The following RAB11FIP5 variants were observed in gnomAD, a reference collection of about 807,000 sequenced individuals.
The protein encoded by RAB11FIP5 is rab11 family-interacting protein 5.
A neutral mutation model predicts 85.1 loss-of-function variants in RAB11FIP5; 48 were observed. That is an observed-to-expected ratio of 0.56 (90% confidence interval 0.45 to 0.72). The LOEUF is 0.72. Ranked by LOEUF, RAB11FIP5 falls within the 30% of genes least tolerant of loss-of-function variation. The pLI, the probability that RAB11FIP5 is intolerant of heterozygous loss-of-function variation, is 0.00. For missense variants in RAB11FIP5, 1,491 were observed against 1,687.0 expected (o/e 0.88, Z 2.04); for synonymous variants, 729 against 727.3 (o/e 1.00, Z -0.04).
chr2:73,075,223 C>T lies in RAB11FIP5; in HGVS notation c.*298G>A, dbSNP rs1404398661. On this transcript the variant is annotated 3_prime_UTR_variant, in exon 6 of 6. Transcript: ENST00000486777. This position sits in a 1 kb window ranked among gnomAD's most constrained non-coding sequence, Gnocchi z 4.6. ...CATCAAGCTACAGTTCACCCCTGCTCTGTCTTGGGGGAAGAGTTCCAATTC... is the reference window on the plus strand; with the variant it reads ...CATCAAGCTACAGTTCACCCCTGCTTTGTCTTGGGGGAAGAGTTCCAATTC... 1.5e-6 allele frequency: 1 copy of T among 670,830 alleles called. No homozygotes were observed. The highest frequency in any genetic ancestry group is 1.5e-5 in the South Asian group (1 of 66,498). 41.6% of individuals were successfully genotyped at this position (670,830 alleles called of 1,614,324 possible). A position where few individuals can be genotyped will look rare whatever the true frequency, so the allele number is the denominator to read the frequency against.
rs1277810650 is a variant in RAB11FIP5, at chr2:73,076,099, G to T, written c.3665C>A (p.Ala1222Asp). The T allele has an allele frequency of 1.9e-6, 3 of 1,614,130 alleles. No individual in the cohort carries two copies. The highest frequency in any genetic ancestry group is 1.1e-5 in the South Asian group (1 of 91,092). The change falls in exon 5 of 6, where the codon GCC (alanine) becomes GAC (aspartate). Residue 1222 changes from alanine to aspartate, a missense_variant. By Grantham distance (126) the Ala-to-Asp change is moderately radical. Around this residue, in one of 3 missense-constraint regions of RAB11FIP5, gnomAD observed 232 missense variants for 259.1 expected, o/e 0.90. Transcript: ENST00000486777. Reference sequence around the variant, plus strand: ...GAGCTTCTCCAGCCCACTGCTCAGGGCTATGCTCAGACTGGAGCGGGACTG... The same window carrying T: ...GAGCTTCTCCAGCCCACTGCTCAGGTCTATGCTCAGACTGGAGCGGGACTG... ...RKQSRSSLSI[A>D]LSSGLEKLKT...
intron 4 of RAB11FIP5, 67 bp from the exon 5 acceptor site, chr2:73,076,249 C>A: frequency 7.0e-7 from 1 of 1,419,690 alleles, no homozygotes; most frequent in Non-Finnish European, 9.7e-7. Flanking sequence ...GTGGGGCTGC[C>A]TTCCCTGTGG....
Position 73,080,088 on chromosome 2 carries a change from G to T in RAB11FIP5, c.3144C>A (p.Ala1048=). The change falls in exon 4 of 6, where the codon GCC becomes GCA. Residue 1048 remains alanine (A), a synonymous_variant. Transcript: ENST00000486777. ...CCCACACATCAGCCTGCTGGGAGGT[G>T]GCTGACAAGGACCCAAGCCCCTCTC... ...PVGEGLGSLS[A]TSQQADVWVS... is the part of the protein sequence containing the mutation. 8.1e-7 allele frequency: 1 copy of T among 1,232,250 alleles called. No individual in the cohort carries two copies. Among genetic ancestry groups the T allele is most frequent in the Non-Finnish European group, 1.0e-6 (1 of 988,038 alleles). 76.3% of individuals were successfully genotyped at this position (1,232,250 alleles called of 1,614,324 possible).
intron 1 of RAB11FIP5, among the ~76,000 whole-genome samples, chr2:73,106,358 G>A (rs1159108451): frequency 2.0e-5 from 3 of 152,228 alleles, no homozygotes; most frequent in Non-Finnish European, 4.4e-5. Flanking sequence ...TCCTCACAGA[G>A]GAGGAGACCA....
intron 1 of RAB11FIP5, among the ~76,000 whole-genome samples, chr2:73,098,527 A>G (rs1252317198): frequency 6.6e-6 from 1 of 152,198 alleles, no homozygotes; most frequent in East Asian, 1.9e-4. Flanking sequence ...GCACTGAGGT[A>G]AGGAGACGTG....
intron 1 of RAB11FIP5, among the ~76,000 whole-genome samples, chr2:73,093,740 C>A (rs1025016483): frequency 2.6e-5 from 4 of 152,238 alleles, no homozygotes; most frequent in Non-Finnish European, 5.9e-5. Context: ...CTCCCACGAC[C>A]GTGAGCTCTT....
At chr2:73,102,124 G>T (rs113998038) in intron 1 of RAB11FIP5, among the ~76,000 whole-genome samples, 1 of 152,132 alleles carries the variant, frequency 6.6e-6, no homozygotes, top group South Asian at 2.1e-4. Context: ...AGGCGAGGAG[G>T]GGGTAGGGAG....
chr2:73,075,830 C>G lies in RAB11FIP5; in HGVS notation c.3772-106G>C. On this transcript the variant is annotated intron_variant, in intron 5 of 5. Transcript: ENST00000486777. The surrounding 1 kb of genome is among the most constrained non-coding windows in gnomAD (Gnocchi z 4.6). ...CCCACCAACACCTAAGTTTCACCAC[C>G]ACAGGGCCCCAGGCTGCCTGTCTCC... is the stretch of plus-strand genomic sequence containing the variant. 6.8e-7 allele frequency: 1 copy of G among 1,465,008 alleles called. No homozygotes were observed. Among genetic ancestry groups the G allele is most frequent in the Non-Finnish European group, 9.3e-7 (1 of 1,074,978 alleles). The allele number at this position is 1,465,008 out of a possible 1,614,324, so 90.8% of individuals were successfully genotyped here.
chr2:73,073,783 ATGAG>A lies in RAB11FIP5; in HGVS notation c.*1734_*1737del, dbSNP rs1443545940. 1 of 152,172 alleles carries A rather than the reference ATGAG, an allele frequency of 6.6e-6. No individual in the cohort carries two copies. The highest frequency in any genetic ancestry group is 1.5e-5 in the Non-Finnish European group (1 of 68,020). The allele number at this position is 152,172 out of a possible 1,614,324, so 9.4% of individuals were successfully genotyped here. On this transcript the variant is annotated 3_prime_UTR_variant, in exon 6 of 6. Transcript: ENST00000486777. ...CCAGTGGATACTTTTCTCAGATTTGATGAGTGGAGTTTAAGGTAGGTAACGTTAC... is the reference window on the plus strand; with the variant it reads ...CCAGTGGATACTTTTCTCAGATTTGATGGAGTTTAAGGTAGGTAACGTTAC...
chr2:73,104,589 C>A (rs558181310), intron 1 of RAB11FIP5, among the ~76,000 whole-genome samples: 1 of 152,146 alleles, frequency 6.6e-6, no homozygotes, highest in Non-Finnish European at 1.5e-5. Context: ...CAAAACAAAA[C>A]AAAACTAAAT....
chr2:73,105,097 C>T (rs756442750), intron 1 of RAB11FIP5, among the ~76,000 whole-genome samples: 1 of 152,172 alleles, frequency 6.6e-6, no homozygotes, highest in Admixed American at 6.6e-5. Flanking sequence ...CACAGTAAAA[C>T]CAGCATGTGA....
chr2:73,091,222 G>A (rs1684202929), intron 1 of RAB11FIP5, among the ~76,000 whole-genome samples: 2 of 152,316 alleles, frequency 1.3e-5, no homozygotes, highest in Middle Eastern at 3.4e-3. Flanking sequence ...ATATGACTAT[G>A]AGGCTTAGAA....
intron 3 of RAB11FIP5, among the ~76,000 whole-genome samples, chr2:73,085,528 T>C (rs1383563348): frequency 6.6e-6 from 1 of 152,162 alleles, no homozygotes; most frequent in African/African-American, 2.4e-5. Context: ...TCAGTGTGAA[T>C]GGCTCATAAC....
intron 3 of RAB11FIP5, among the ~76,000 whole-genome samples, chr2:73,083,544 C>T (rs771337084): frequency 6.6e-6 from 1 of 152,160 alleles, no homozygotes; most frequent in Non-Finnish European, 1.5e-5. Flanking sequence ...TAAAAATTCC[C>T]ACCTGTTCCC....
intron 1 of RAB11FIP5, among the ~76,000 whole-genome samples, chr2:73,096,525 C>A (rs1160374767): frequency 6.6e-6 from 1 of 152,152 alleles, no homozygotes; most frequent in East Asian, 1.9e-4. Flanking sequence ...TCTGAGCCCC[C>A]ACTCATCATT....
chr2:73,081,111 TC>T lies in RAB11FIP5; in HGVS notation c.2120del (p.Gly707GlufsTer40). On this transcript the variant is annotated frameshift_variant, in exon 4 of 6. Coordinates refer to ENST00000486777, the MANE Select transcript of RAB11FIP5 (RefSeq NM_001371272.1). LOFTEE classifies it high-confidence loss of function. The surrounding 1 kb of genome is among the most constrained non-coding windows in gnomAD (Gnocchi z 4.2). ...QGEPGGGGGGGGGGGGRGGSS... is the reference protein window; with the variant it reads ...QGEPGGGGGGXGGGGGRGGSS... ...TCCCACCTCTTCCTCCTCCTCCTCC[TC>T]CTCCTCCTCCTCCTCCCCCAGGCTC... 1 of 1,233,534 alleles carries T rather than the reference TC, an allele frequency of 8.1e-7. No homozygotes were observed. Among genetic ancestry groups the T allele is most frequent in the Non-Finnish European group, 1.0e-6 (1 of 989,098 alleles). 76.4% of individuals were successfully genotyped at this position (1,233,534 alleles called of 1,614,324 possible). A position where few individuals can be genotyped will look rare whatever the true frequency, so the allele number is the denominator to read the frequency against.
chr2:73,090,779 C>A (rs995565628), intron 1 of RAB11FIP5, among the ~76,000 whole-genome samples: 1 of 152,218 alleles, frequency 6.6e-6, no homozygotes, highest in Non-Finnish European at 1.5e-5. Flanking sequence ...ACAGGGACTT[C>A]TCAGGAGAGA....
At position 73,074,722 on chromosome 2, in the gene RAB11FIP5, A is replaced by T. The variant is rs1158461233; in HGVS notation, c.*799T>A. On this transcript the variant is annotated 3_prime_UTR_variant, in exon 6 of 6. Coordinates refer to ENST00000486777, the MANE Select transcript of RAB11FIP5 (RefSeq NM_001371272.1). ...GAGGCTTGATCCCCAAATCATAAGCAGTCCCAAGCCCCAGCCTGGAGGGAC... is the reference window on the plus strand; with the variant it reads ...GAGGCTTGATCCCCAAATCATAAGCTGTCCCAAGCCCCAGCCTGGAGGGAC... 6.2e-6 allele frequency: 1 copy of T among 162,436 alleles called. No individual in the cohort carries two copies. The highest frequency in any genetic ancestry group is 2.4e-5 in the African/African-American group (1 of 41,556). The allele number at this position is 162,436 out of a possible 1,614,324, so 10.1% of individuals were successfully genotyped here.
At chr2:73,076,317 G>A (rs1683861010) in intron 4 of RAB11FIP5, 135 bp from the exon 5 acceptor site, 1 of 881,930 alleles carries the variant, frequency 1.1e-6, no homozygotes, top group South Asian at 1.7e-5. Flanking sequence ...CCCCTACAGA[G>A]TCAAGGTTTC....
Sources: gnomAD v4.1 joint callset for allele counts (sites outside exome capture counted in the v4.1 genomes callset) on GRCh38, gnomAD v4.1.1 for gene constraint, gnomAD v4.1.1 regional missense constraint, Gnocchi (gnomAD v3.1) non-coding constraint, MANE v1.5 for transcripts, NCBI Gene and HGNC (gene_info 2026-07-23, HGNC 2026-07-21) for gene names.